The following ASPH variants were observed in gnomAD, a reference collection of about 807,000 sequenced individuals.
ASPH encodes aspartate beta-hydroxylase.
Under a neutral mutation model 118.4 loss-of-function variants are expected in ASPH, and 100 were observed. That is an observed-to-expected ratio of 0.84 (90% CI 0.72 to 1.00). The LOEUF (loss-of-function observed/expected upper bound fraction) is 1.00, where lower values mean the gene tolerates loss of function less well. Among genes scored for constraint, ASPH ranks in the 50% least tolerant of loss-of-function variants. The pLI is 0.00. For synonymous variants in ASPH, 315 were observed against 325.6 expected, an observed-to-expected ratio of 0.97 and a Z score of 0.35; for missense variants, 920 against 919.5, an observed-to-expected ratio of 1.00 and a Z score of -0.01.
At chr8:61,573,267 C>T (rs990775300) in intron 16 of ASPH, among the ~76,000 whole-genome samples, 14 of 152,246 alleles carry the variant, frequency 9.2e-5, no homozygotes, top group African/African-American at 2.2e-4. Flanking sequence ...GAATCAATAT[C>T]GTGAAAATGG....
intron 1 of ASPH, 169 bp from the exon 2 acceptor site, chr8:61,684,357 G>T: frequency 1.3e-6 from 1 of 745,648 alleles, no homozygotes; most frequent in East Asian, 2.8e-5. Context: ...TCTGAAAACA[G>T]AAAAGATTGT....
intron 5 of ASPH, among the ~76,000 whole-genome samples, chr8:61,648,088 G>T (rs945506309): frequency 6.6e-6 from 1 of 152,208 alleles, no homozygotes. Context: ...CTGGGTGACT[G>T]TGGGCAAATT....
At chr8:61,616,352 C>G (rs1397295222) in intron 14 of ASPH, among the ~76,000 whole-genome samples, 1 of 152,178 alleles carries the variant, frequency 6.6e-6, no homozygotes, top group Non-Finnish European at 1.5e-5. Context: ...ATATGAGGAG[C>G]TCACAATTGC....
chr8:61,575,128 G>T (rs1834714666), intron 16 of ASPH, among the ~76,000 whole-genome samples: 2 of 152,188 alleles, frequency 1.3e-5, no homozygotes, highest in Admixed American at 1.3e-4. Context: ...TGCCCAACTT[G>T]TCCAAAGCGC....
chr8:61,586,420 G>A (rs539211153), intron 14 of ASPH, among the ~76,000 whole-genome samples: 1 of 152,100 alleles, frequency 6.6e-6, no homozygotes, highest in South Asian at 2.1e-4. Context: ...TTTTCATATT[G>A]ACTTTATTGC....
At chr8:61,506,046 C>T (rs1319504704) in intron 24 of ASPH, among the ~76,000 whole-genome samples, 1 of 152,196 alleles carries the variant, frequency 6.6e-6, no homozygotes, top group Non-Finnish European at 1.5e-5. Flanking sequence ...GCACTATTCA[C>T]AACAGCTAGA....
chr8:61,693,513 A>G (rs1230015731), intron 1 of ASPH, among the ~76,000 whole-genome samples: 1 of 152,194 alleles, frequency 6.6e-6, no homozygotes, highest in East Asian at 1.9e-4. Flanking sequence ...TTTTCAAACT[A>G]ACACTAAACA....
At chr8:61,514,964 T>G (rs1586335253) in intron 24 of ASPH, among the ~76,000 whole-genome samples, 1 of 113,238 alleles carries the variant, frequency 8.8e-6, no homozygotes, top group Non-Finnish European at 1.8e-5. Flanking sequence ...AGGAGGCGGG[T>G]GGACAGGGAG....
At chr8:61,662,829 G>A (rs892905500) in intron 3 of ASPH, 2 of 982,378 alleles carry the variant, frequency 2.0e-6, no homozygotes, top group Non-Finnish European at 1.2e-6. Flanking sequence ...ACATTTCAAA[G>A]TACTTTACTA....
intron 19 of ASPH, 29 bp downstream of exon 19, chr8:61,555,895 G>A: frequency 6.3e-7 from 1 of 1,588,956 alleles, no homozygotes. Context: ...CTTGAAAGAT[G>A]AAAGGAGAGG....
Position 61,677,248 on chromosome 8 carries a change from ATTTG to A in ASPH, c.322+3716_322+3719del, listed in dbSNP as rs1825852700. 2.0e-5 allele frequency among the ~76,000 whole-genome samples: 3 copies of A among 152,226 alleles called. No individual in the cohort carries two copies. In the South Asian group the frequency reaches 6.2e-4, roughly 32 times the overall value. ...AATCAAAGTATATATTGTTTTCATC[ATTTG>A]TTTTTTTCCTGTGAAGAACTGGCTC... On this transcript the variant is annotated intron_variant, in intron 3 of 24. Coordinates refer to ENST00000379454, the MANE Select transcript of ASPH (RefSeq NM_004318.4).
At chr8:61,604,253 T>G (rs1049299784) in intron 14 of ASPH, among the ~76,000 whole-genome samples, 9 of 152,140 alleles carry the variant, frequency 5.9e-5, no homozygotes, top group Admixed American at 4.6e-4. Flanking sequence ...GAAGACTCCC[T>G]GGATGTGATA....
At chr8:61,532,563 T>C (rs1422427221) in intron 21 of ASPH, among the ~76,000 whole-genome samples, 1 of 152,212 alleles carries the variant, frequency 6.6e-6, no homozygotes, top group African/African-American at 2.4e-5. Context: ...TTTGCTTTTG[T>C]TGTCTGTGCT....
intron 12 of ASPH, 64 bp from the exon 13 acceptor site, chr8:61,633,791 G>C (rs1856621277): frequency 3.5e-6 from 4 of 1,137,398 alleles, no homozygotes; most frequent in Non-Finnish European, 5.0e-6. Context: ...AATATGCGTT[G>C]CCAGATTTAA....
intron 13 of ASPH, chr8:61,624,593 T>C: frequency 1.0e-6 from 1 of 984,840 alleles, no homozygotes; most frequent in Non-Finnish European, 1.2e-6. Context: ...TTTACATTAT[T>C]TTTAGAAAAT....
intron 21 of ASPH, among the ~76,000 whole-genome samples, chr8:61,540,580 C>T (rs998480761): frequency 1.1e-4 from 17 of 152,120 alleles, no homozygotes; most frequent in Admixed American, 5.9e-4. Flanking sequence ...TTCTTTATAG[C>T]AATGCAAGAA....
chr8:61,553,268 C>T, intron 19 of ASPH, 148 bp from the exon 20 acceptor site: 1 of 586,528 alleles, frequency 1.7e-6, no homozygotes, highest in Non-Finnish European at 2.9e-6. Flanking sequence ...AATGAGGTTA[C>T]TGGTCAACAT....
chr8:61,621,432 T>C (rs1346742536), intron 13 of ASPH, among the ~76,000 whole-genome samples: 1 of 152,186 alleles, frequency 6.6e-6, no homozygotes, highest in Non-Finnish European at 1.5e-5. Flanking sequence ...GAGCTTTCTG[T>C]GAGATTCAGC....
At chr8:61,679,699 TA>T (rs1827005033) in intron 3 of ASPH, among the ~76,000 whole-genome samples, 1 of 151,856 alleles carries the variant, frequency 6.6e-6, no homozygotes, top group Non-Finnish European at 1.5e-5. Flanking sequence ...TTTAAAGTAA[TA>T]TAATGAAGTA....
Sources: allele counts gnomAD v4.1 joint callset (sites outside exome capture counted in the v4.1 genomes callset), GRCh38; gene constraint gnomAD v4.1.1; transcripts MANE v1.5; gene names NCBI Gene and HGNC (gene_info 2026-07-23, HGNC 2026-07-21).